N4BP2L2: variants seen among roughly 807,000 people sequenced by gnomAD.
N4BP2L2 encodes NEDD4 binding protein 2 like 2, also known as NEDD4-binding protein 2-like 2.
In N4BP2L2, 50 loss-of-function variants were observed where a neutral mutation model predicts 56.2. The observed-to-expected ratio is 0.89, with a 90% CI of 0.71 to 1.13. The LOEUF (loss-of-function observed/expected upper bound fraction) is 1.13. N4BP2L2 is among the 50% of genes most tolerant of loss of function. N4BP2L2 has a pLI of 0.00. For synonymous variants in N4BP2L2, 203 were observed against 223.6 expected, an observed-to-expected ratio of 0.91 and a Z score of 0.82; for missense variants, 689 against 693.8, an observed-to-expected ratio of 0.99 and a Z score of 0.08.
exon 7 of N4BP2L2, chr13:32,444,028 A>G: frequency 6.2e-7 from 1 of 1,609,562 alleles, no homozygotes; most frequent in Non-Finnish European, 8.5e-7. Flanking sequence ...GTTTTCCTCC[A>G]TGATTCTATT....
chr13:32,528,580 T>G (rs1244326297), intron 2 of N4BP2L2, among the ~76,000 whole-genome samples: 2 of 152,180 alleles, frequency 1.3e-5, no homozygotes, highest in African/African-American at 4.8e-5. Flanking sequence ...TGTGCTATGA[T>G]AGGGAAAATG....
intron 6 of N4BP2L2, among the ~76,000 whole-genome samples, chr13:32,475,807 C>T (rs958543954): frequency 2.0e-5 from 3 of 152,142 alleles, no homozygotes; most frequent in African/African-American, 7.2e-5. Context: ...TTTCTTACCT[C>T]CTATATCATT....
intron 6 of N4BP2L2, among the ~76,000 whole-genome samples, chr13:32,501,119 C>T (rs539111914): frequency 1.4e-4 from 21 of 152,172 alleles, no homozygotes; most frequent in Non-Finnish European, 2.5e-4. Context: ...CTGCCCACCT[C>T]GGTCTCCTAA....
At chr13:32,481,788 C>T (rs2084798135) in intron 6 of N4BP2L2, among the ~76,000 whole-genome samples, 1 of 152,130 alleles carries the variant, frequency 6.6e-6, no homozygotes, top group Admixed American at 6.6e-5. Context: ...AACTCTTATT[C>T]TGTAAATACC....
In N4BP2L2 at chr13:32,536,013, C is replaced by G. The variant is rs371270849; in HGVS notation, c.1015G>C (p.Asp339His). The change falls in exon 2 of 6, where the codon GAC becomes CAC. Residue 339 changes from aspartate to histidine, a missense_variant. Physicochemically the swap from Asp to His is moderately conservative, Grantham distance 81. Transcript: ENST00000267068. ...ACACTACTCCTATTCTCACTACAGTCAGTATATTCATTGTTCTGATCAAAA... is the reference window on the plus strand; with the variant it reads ...ACACTACTCCTATTCTCACTACAGTGAGTATATTCATTGTTCTGATCAAAA... 14 of 1,613,936 alleles carry G rather than the reference C, an allele frequency of 8.7e-6. No homozygotes were observed. The African/African-American group carries it at 1.6e-4, about 18-fold the overall frequency.
intron 6 of N4BP2L2, among the ~76,000 whole-genome samples, chr13:32,455,441 G>A (rs914799092): frequency 1.3e-5 from 2 of 152,140 alleles, no homozygotes; most frequent in Admixed American, 6.5e-5. Flanking sequence ...AGACTCTGCC[G>A]CTGCCCATTG....
intron 6 of N4BP2L2, among the ~76,000 whole-genome samples, chr13:32,464,970 T>C (rs1339730500): frequency 6.6e-6 from 1 of 152,060 alleles, no homozygotes; most frequent in Non-Finnish European, 1.5e-5. Context: ...AATTCTTGTT[T>C]GTTTTTTTTT....
intron 6 of N4BP2L2, among the ~76,000 whole-genome samples, chr13:32,468,917 G>A (rs2081771162): frequency 6.6e-6 from 1 of 152,228 alleles, no homozygotes; most frequent in East Asian, 1.9e-4. Context: ...TGTAGCCCAG[G>A]GAATGCAGCT....
intron 6 of N4BP2L2, chr13:32,478,048 G>T (rs1257225213): frequency 7.8e-7 from 1 of 1,288,892 alleles, no homozygotes; most frequent in Non-Finnish European, 1.0e-6. Flanking sequence ...TCTGCTGGTT[G>T]CTGTGGGAAA....
At chr13:32,502,061 A>AT (rs368621196) in intron 6 of N4BP2L2, among the ~76,000 whole-genome samples, 7,007 of 125,404 alleles carry the variant, frequency 0.056, 334 homozygotes, top group East Asian at 0.11. Flanking sequence ...CTACTACAGC[A>AT]TTTTTTTTTT....
intron 6 of N4BP2L2, among the ~76,000 whole-genome samples, chr13:32,492,374 C>T (rs1266664578): frequency 6.6e-6 from 1 of 150,528 alleles, no homozygotes; most frequent in African/African-American, 2.5e-5. Flanking sequence ...GACCCGCCTC[C>T]CGGATTCACG....
At chr13:32,443,341 T>C in exon 7 of N4BP2L2, 2 of 1,614,062 alleles carry the variant, frequency 1.2e-6, no homozygotes, top group South Asian at 2.2e-5. Context: ...CTTTGGTCTC[T>C]GTTCACATAT....
chr13:32,502,901 G>T (rs980082286), intron 6 of N4BP2L2, among the ~76,000 whole-genome samples: 2 of 152,032 alleles, frequency 1.3e-5, no homozygotes, highest in Non-Finnish European at 2.9e-5. Context: ...GGACAGACAT[G>T]GTGGCTCACA....
intron 6 of N4BP2L2, among the ~76,000 whole-genome samples, chr13:32,473,389 C>A (rs746946412): frequency 1.9e-4 from 29 of 151,758 alleles, no homozygotes; most frequent in Middle Eastern, 6.8e-3. Context: ...AGATAACAAG[C>A]AACTAAACAC....
chr13:32,462,438 A>G (rs888408501), intron 6 of N4BP2L2, among the ~76,000 whole-genome samples: 9 of 152,064 alleles, frequency 5.9e-5, no homozygotes, highest in Non-Finnish European at 1.3e-4. Context: ...GAGGCTGAGG[A>G]GGGTCTGTGT....
At chr13:32,529,358 C>G (rs576647756) in intron 2 of N4BP2L2, among the ~76,000 whole-genome samples, 21 of 152,326 alleles carry the variant, frequency 1.4e-4, no homozygotes, top group African/African-American at 4.8e-4. Context: ...TCACTTCAGA[C>G]AAACCAAATG....
intron 6 of N4BP2L2, among the ~76,000 whole-genome samples, chr13:32,501,108 T>TTCC (rs2089926149): frequency 3.3e-5 from 5 of 152,166 alleles, no homozygotes; most frequent in Admixed American, 2.0e-4. Flanking sequence ...CCTCAAGTGA[T>TTCC]CTGCCCACCT....
At chr13:32,532,628 T>C (rs953140018) in intron 2 of N4BP2L2, among the ~76,000 whole-genome samples, 1 of 150,850 alleles carries the variant, frequency 6.6e-6, no homozygotes, top group African/African-American at 2.4e-5. Flanking sequence ...TCTTGCACTG[T>C]TGCCCAGGCT....
chr13:32,507,145 T>C (rs2091086620), downstream of N4BP2L2: 1 of 152,252 alleles, frequency 6.6e-6, no homozygotes, highest in Non-Finnish European at 1.5e-5. Flanking sequence ...AAAGAAGGCA[T>C]TGAAGAAGAC....
Sources: allele counts gnomAD v4.1 joint callset (sites outside exome capture counted in the v4.1 genomes callset), GRCh38; gene constraint gnomAD v4.1.1; transcripts MANE v1.5; gene names NCBI Gene and HGNC (gene_info 2026-07-23, HGNC 2026-07-21).